The following UBAC2 variants were observed in gnomAD, a reference collection of about 807,000 sequenced individuals.
UBAC2 encodes UBA domain containing 2, also known as ubiquitin-associated domain-containing protein 2.
UBAC2 carries 26 observed loss-of-function variants against 44.0 expected under a neutral mutation model. The observed-to-expected ratio is 0.59, with a 90% CI of 0.43 to 0.82. UBAC2 has a LOEUF of 0.82. Among genes scored for constraint, UBAC2 ranks in the 40% least tolerant of loss-of-function variants. The pLI, the probability that UBAC2 is intolerant of heterozygous loss-of-function variation, is 0.00. For missense variants in UBAC2, 329 were observed against 419.4 expected (o/e 0.78, Z 1.88); for synonymous variants, 155 against 154.3 (o/e 1.00, Z -0.04).
At chr13:99,330,537 T>A (rs1471995218) in intron 6 of UBAC2, among the ~76,000 whole-genome samples, 1 of 151,738 alleles carries the variant, frequency 6.6e-6, no homozygotes, top group East Asian at 1.9e-4. Flanking sequence ...AATGTGTTTA[T>A]TATTTCTGGT....
In UBAC2 at chr13:99,386,254, G is replaced by A. The variant is rs1189438681; in HGVS notation, c.*919G>A. On this transcript the variant is annotated 3_prime_UTR_variant, in exon 9 of 9. Coordinates refer to ENST00000403766, the MANE Select transcript of UBAC2 (RefSeq NM_001144072.2). ...GAGGCAGGGCAGACTGTGGAGGACA[G>A]GATGCAGGTCAGGGAGAGGGAAGGC... The A allele has an allele frequency of 6.6e-6, 1 of 152,364 alleles. No homozygotes were observed. The highest frequency in any genetic ancestry group is 1.5e-5 in the Non-Finnish European group (1 of 68,114). 9.4% of individuals were successfully genotyped at this position (152,364 alleles called of 1,614,324 possible). A position where few individuals can be genotyped will look rare whatever the true frequency, so the allele number is the denominator to read the frequency against.
chr13:99,266,782 C>T (rs1430744791), intron 4 of UBAC2, among the ~76,000 whole-genome samples: 1 of 152,164 alleles, frequency 6.6e-6, no homozygotes, highest in East Asian at 1.9e-4. Flanking sequence ...TGCAGCCAAC[C>T]TCCAGGACAT....
At chr13:99,290,516 A>G (rs1029110709) in intron 4 of UBAC2, among the ~76,000 whole-genome samples, 10 of 152,086 alleles carry the variant, frequency 6.6e-5, no homozygotes, top group African/African-American at 2.4e-4. Context: ...ACTTGAGGTC[A>G]GGAGTTTGAG....
At chr13:99,253,054 A>G (rs2043478786) in intron 4 of UBAC2, among the ~76,000 whole-genome samples, 1 of 151,004 alleles carries the variant, frequency 6.6e-6, no homozygotes, top group Admixed American at 6.6e-5. Flanking sequence ...TGTTTTAGAA[A>G]TAATTATATG....
chr13:99,319,289 A>C (rs2138779438), intron 6 of UBAC2, among the ~76,000 whole-genome samples: 1 of 152,366 alleles, frequency 6.6e-6, no homozygotes, highest in African/African-American at 2.4e-5. Flanking sequence ...TATAAAAATA[A>C]ATTTTAACTA....
intron 8 of UBAC2, among the ~76,000 whole-genome samples, chr13:99,369,648 G>T (rs149695257): frequency 1.3e-5 from 2 of 152,310 alleles, no homozygotes; most frequent in African/African-American, 2.4e-5. Flanking sequence ...CTCCATCGTA[G>T]GTTGAGGAGC....
chr13:99,305,143 CTAGAA>C (rs2044313818), intron 4 of UBAC2, among the ~76,000 whole-genome samples: 1 of 152,162 alleles, frequency 6.6e-6, no homozygotes, highest in Non-Finnish European at 1.5e-5. Flanking sequence ...TGGTGAATAT[CTAGAA>C]TAGGCTTTTA....
chr13:99,308,528 G>A (rs1244555789), intron 4 of UBAC2, among the ~76,000 whole-genome samples: 1 of 152,258 alleles, frequency 6.6e-6, no homozygotes, highest in South Asian at 2.1e-4. Flanking sequence ...GGAATATGCT[G>A]TTTCTTATTT....
intron 4 of UBAC2, among the ~76,000 whole-genome samples, chr13:99,300,419 C>A (rs1475942040): frequency 6.6e-6 from 1 of 152,176 alleles, no homozygotes; most frequent in Non-Finnish European, 1.5e-5. Flanking sequence ...TTATATTTAT[C>A]CTGTGTTATT....
chr13:99,263,179 G>C (rs907985838), intron 4 of UBAC2, among the ~76,000 whole-genome samples: 2 of 152,146 alleles, frequency 1.3e-5, no homozygotes, highest in African/African-American at 2.4e-5. Flanking sequence ...CATCATAAAT[G>C]GTAATTTGAC....
At position 99,318,088 on chromosome 13, in the gene UBAC2, T is replaced by A; in HGVS notation, c.561+19T>A. On this transcript the variant is annotated intron_variant, in intron 6 of 8. Coordinates refer to ENST00000403766, the MANE Select transcript of UBAC2 (RefSeq NM_001144072.2). ...TGGACTTGTAAGTGTGACTACCCTT[T>A]TACACCCAATTCTCTCTCTCTCCTG... The A allele has an allele frequency of 6.2e-7, 1 of 1,602,764 alleles. No homozygotes were observed. The highest frequency in any genetic ancestry group is 8.5e-7 in the Non-Finnish European group (1 of 1,170,500).
chr13:99,268,178 T>C (rs1342539014), intron 4 of UBAC2, among the ~76,000 whole-genome samples: 4 of 152,208 alleles, frequency 2.6e-5, no homozygotes, highest in Admixed American at 6.5e-5. Context: ...GATGTAATCT[T>C]ACCTGGGCAG....
intron 2 of UBAC2, among the ~76,000 whole-genome samples, chr13:99,240,466 T>G (rs914238063): frequency 7.2e-5 from 11 of 152,232 alleles, no homozygotes; most frequent in Admixed American, 3.9e-4. Context: ...ATTTTCTTAG[T>G]GGCTCTCAGA....
chr13:99,221,464 G>C (rs1566453260), intron 1 of UBAC2, among the ~76,000 whole-genome samples: 1 of 152,126 alleles, frequency 6.6e-6, no homozygotes, highest in Non-Finnish European at 1.5e-5. Context: ...TTTGTAGTCC[G>C]GATTATCAGA....
chr13:99,356,732 A>G (rs972788171), intron 7 of UBAC2, among the ~76,000 whole-genome samples: 1 of 152,246 alleles, frequency 6.6e-6, no homozygotes, highest in Non-Finnish European at 1.5e-5. Context: ...GGCACTTCAC[A>G]TGACAGGGTT....
intron 6 of UBAC2, among the ~76,000 whole-genome samples, chr13:99,322,713 G>A (rs927673587): frequency 2.0e-5 from 3 of 152,188 alleles, no homozygotes; most frequent in Non-Finnish European, 4.4e-5. Flanking sequence ...GTAAGATTTG[G>A]GACTTCAAAT....
chr13:99,297,205 C>A (rs144273970), intron 4 of UBAC2, among the ~76,000 whole-genome samples: 36 of 152,136 alleles, frequency 2.4e-4, no homozygotes, highest in African/African-American at 8.7e-4. Flanking sequence ...CAATAAAGTT[C>A]TGTAGATGAG....
At chr13:99,341,406 A>G (rs1391454846) in intron 7 of UBAC2, among the ~76,000 whole-genome samples, 2 of 54,072 alleles carry the variant, frequency 3.7e-5, no homozygotes, top group East Asian at 6.5e-4. Flanking sequence ...TGCAGGTCCC[A>G]GAGTTTATAT....
intron 4 of UBAC2, chr13:99,254,879 A>G (rs1484067657): frequency 1.2e-6 from 2 of 1,606,524 alleles, no homozygotes; most frequent in Non-Finnish European, 1.7e-6. Flanking sequence ...CTTATTATTC[A>G]TAACATTTCA....
Sources: allele counts gnomAD v4.1 joint callset (sites outside exome capture counted in the v4.1 genomes callset), GRCh38; gene constraint gnomAD v4.1.1; transcripts MANE v1.5; gene names NCBI Gene and HGNC (gene_info 2026-07-23, HGNC 2026-07-21).